The following CACHD1 variants were observed in gnomAD, a reference collection of about 807,000 sequenced individuals.
CACHD1 encodes cache domain containing 1.
In CACHD1, 71 loss-of-function variants were observed where a neutral mutation model predicts 138.7. The ratio of observed to expected loss-of-function variants is 0.51; its 90% CI spans 0.42 to 0.62. The LOEUF (loss-of-function observed/expected upper bound fraction) is 0.62. Among genes scored for constraint, CACHD1 ranks in the 20% least tolerant of loss-of-function variants. The probability of loss-of-function intolerance (pLI) is 0.00; values close to 1 mark genes in which losing one functional copy is unlikely to be tolerated. For synonymous variants in CACHD1, 578 were observed against 591.5 expected (o/e 0.98, Z 0.33); for missense variants, 1,389 against 1,625.3 (o/e 0.85, Z 2.50).
intron 24 of CACHD1, 60 bp downstream of exon 24, chr1:64,679,816 G>A: frequency 6.3e-7 from 1 of 1,579,700 alleles, no homozygotes; most frequent in Non-Finnish European, 8.6e-7. Flanking sequence ...ACAGTGGCGG[G>A]TTGTGTAAGC....
At chr1:64,681,945 G>A (rs1650205058) in intron 25 of CACHD1, 60 bp from the exon 26 acceptor site, 2 of 1,441,394 alleles carry the variant, frequency 1.4e-6, no homozygotes, top group Admixed American at 1.7e-5. Context: ...GAGCAAATGT[G>A]TTTGAAACAA....
At position 64,620,759 on chromosome 1, in the gene CACHD1, A is replaced by G. The variant is rs142966122; in HGVS notation, c.518-8596A>G. ...AGCACATATATTATCATAAACTTAC[A>G]TTTGTAATATTTTGGAAACTATTTT... On this transcript the variant is annotated intron_variant, in intron 4 of 26. Coordinates refer to ENST00000651257, the MANE Select transcript of CACHD1 (RefSeq NM_020925.4). Among the ~76,000 whole-genome samples the G allele has an allele frequency of 2.8e-3, 430 of 152,296 alleles. 1 individual carries two copies. The highest frequency in any genetic ancestry group is 4.4e-3 in the Non-Finnish European group (298 of 68,028).
At chr1:64,625,451 A>G (rs1648063197) in intron 4 of CACHD1, among the ~76,000 whole-genome samples, 1 of 152,054 alleles carries the variant, frequency 6.6e-6, no homozygotes, top group South Asian at 2.1e-4. Context: ...ACATGGTGAA[A>G]CCCCATCTCT....
At chr1:64,533,682 C>A (rs889291315) in intron 1 of CACHD1, among the ~76,000 whole-genome samples, 4 of 151,274 alleles carry the variant, frequency 2.6e-5, no homozygotes, top group African/African-American at 9.7e-5. Flanking sequence ...GAATACTATA[C>A]ATGATGTGTT....
chr1:64,562,746 G>A (rs4915987), intron 2 of CACHD1, among the ~76,000 whole-genome samples: 123,715 of 152,040 alleles, frequency 0.81, 52,350 homozygotes, highest in South Asian at 0.94. Flanking sequence ...TAATAATTCT[G>A]TTTCTGTACT....
chr1:64,472,392 G>A (rs1349581627), intron 1 of CACHD1, among the ~76,000 whole-genome samples: 1 of 152,160 alleles, frequency 6.6e-6, no homozygotes, highest in Non-Finnish European at 1.5e-5. Flanking sequence ...TGTGGGGAAA[G>A]ACCACCGGAA....
At chr1:64,632,814 T>C in intron 6 of CACHD1, 71 bp downstream of exon 6, 1 of 1,533,346 alleles carries the variant, frequency 6.5e-7, no homozygotes, top group Admixed American at 1.7e-5. Flanking sequence ...TACTTTATTG[T>C]TTTGTGATAT....
At position 64,566,458 on chromosome 1, in the gene CACHD1, G is replaced by GCTCCA. The variant is rs567356680; in HGVS notation, c.262-15695_262-15691dup. Among the ~76,000 whole-genome samples, 412 of 123,820 alleles carry GCTCCA rather than the reference G, an allele frequency of 3.3e-3. 5 individuals carry two copies. The highest frequency in any genetic ancestry group is 0.012 in the African/African-American group (399 of 34,088). The allele number at this position is 123,820 out of a possible 152,430, so 81.2% of individuals were successfully genotyped here. ...AAATTCAAGTGTATTTAGATTCAGTGCTCCACTGTATGTTTTCAATTCCCC... is the reference window on the plus strand; with the variant it reads ...AAATTCAAGTGTATTTAGATTCAGTGCTCCACTCCACTGTATGTTTTCAATTCCCC... On this transcript the variant is annotated intron_variant, in intron 2 of 26. Transcript: ENST00000651257.
chr1:64,543,695 A>G (rs1570351473), intron 1 of CACHD1, among the ~76,000 whole-genome samples: 2 of 151,950 alleles, frequency 1.3e-5, no homozygotes, highest in African/African-American at 4.8e-5. Flanking sequence ...GTTTAATAGT[A>G]TGAGGTTAAA....
chr1:64,671,484 C>T, intron 16 of CACHD1, 80 bp from the exon 17 acceptor site: 1 of 1,483,726 alleles, frequency 6.7e-7, no homozygotes, highest in Non-Finnish European at 9.4e-7. Flanking sequence ...TAATACCAAA[C>T]AATGTCCCTG....
At chr1:64,596,905 C>G (rs1179606371) in intron 3 of CACHD1, among the ~76,000 whole-genome samples, 1 of 152,134 alleles carries the variant, frequency 6.6e-6, no homozygotes, top group Non-Finnish European at 1.5e-5. Context: ...CATTTCATCA[C>G]TGCCCTTGGA....
At chr1:64,584,949 T>C (rs1396798819) in intron 3 of CACHD1, among the ~76,000 whole-genome samples, 6 of 152,162 alleles carry the variant, frequency 3.9e-5, no homozygotes, top group African/African-American at 1.4e-4. Context: ...GTATTGGAAA[T>C]GATTTTATGA....
In CACHD1 at chr1:64,626,636, C is replaced by T. The variant is rs556835862; in HGVS notation, c.518-2719C>T. ...CTGCTGTAAAGCTCTCACTCCCCTC[C>T]TCTTGCACATTGGTCATCTTGGGAG... On this transcript the variant is annotated intron_variant, in intron 4 of 26. Transcript: ENST00000651257. 5.3e-5 allele frequency among the ~76,000 whole-genome samples: 8 copies of T among 152,338 alleles called. No homozygotes were observed. The South Asian group carries it at 1.7e-3, about 32-fold the overall frequency.
At chr1:64,566,889 G>C (rs1390184518) in intron 2 of CACHD1, among the ~76,000 whole-genome samples, 3 of 152,050 alleles carry the variant, frequency 2.0e-5, no homozygotes, top group African/African-American at 7.2e-5. Flanking sequence ...ATATGTTAGA[G>C]CTTTTAGCTC....
chr1:64,523,000 C>G (rs956865006), intron 1 of CACHD1, among the ~76,000 whole-genome samples: 6 of 152,180 alleles, frequency 3.9e-5, no homozygotes, highest in Non-Finnish European at 7.3e-5. Flanking sequence ...AGTTTTAAAA[C>G]AAAAGCATAA....
chr1:64,543,398 A>ATAC (rs1207530916), intron 1 of CACHD1, among the ~76,000 whole-genome samples: 295 of 53,066 alleles, frequency 5.6e-3, no homozygotes, highest in African/African-American at 0.023. Flanking sequence ...TCTAAAAAAA[A>ATAC]ATACATATAT....
intron 4 of CACHD1, among the ~76,000 whole-genome samples, chr1:64,626,645 A>G (rs1648111542): frequency 1.3e-5 from 2 of 152,116 alleles, no homozygotes; most frequent in Admixed American, 6.5e-5. Flanking sequence ...CCTCTTGCAC[A>G]TTGGTCATCT....
chr1:64,616,778 A>G (rs1557521205), intron 4 of CACHD1, among the ~76,000 whole-genome samples: 1 of 152,124 alleles, frequency 6.6e-6, no homozygotes, highest in Admixed American at 6.5e-5. Flanking sequence ...AAGAAGGAGT[A>G]CCTGGGACCA....
At chr1:64,691,211 C>T in intron 26 of CACHD1, 112 bp from the exon 27 acceptor site, 1 of 883,818 alleles carries the variant, frequency 1.1e-6, no homozygotes, top group Non-Finnish European at 1.9e-6. Context: ...AGTGTTTGCA[C>T]CTATGTATTG....
Sources: gnomAD v4.1 joint callset for allele counts (sites outside exome capture counted in the v4.1 genomes callset) on GRCh38, gnomAD v4.1.1 for gene constraint, MANE v1.5 for transcripts, NCBI Gene and HGNC (gene_info 2026-07-23, HGNC 2026-07-21) for gene names.